The following RBFOX1 variants were observed in gnomAD, a reference collection of about 807,000 sequenced individuals.
The protein encoded by RBFOX1 is RNA binding fox-1 homolog 1.
In RBFOX1, 8 loss-of-function variants were observed where a neutral mutation model predicts 57.7. That is an observed-to-expected ratio of 0.14 (90% CI 0.08 to 0.25). The LOEUF (loss-of-function observed/expected upper bound fraction) is 0.25, where lower values mean the gene tolerates loss of function less well. Among genes scored for constraint, RBFOX1 ranks in the 10% least tolerant of loss-of-function variants. The pLI, the probability that RBFOX1 is intolerant of heterozygous loss-of-function variation, is 1.00. For missense variants in RBFOX1, 611 were observed against 548.5 expected (o/e 1.11, Z -1.14); for synonymous variants, 326 against 222.4 (o/e 1.47, Z -4.15).
intron 3 of RBFOX1, among the ~76,000 whole-genome samples, chr16:6,865,506 C>T (rs1038714237): frequency 6.6e-6 from 1 of 152,120 alleles, no homozygotes; most frequent in African/African-American, 2.4e-5. Context: ...TTATTTAACA[C>T]ATGGTTAATG....
intron 2 of RBFOX1, among the ~76,000 whole-genome samples, chr16:6,570,258 T>G (rs973415418): frequency 6.6e-6 from 1 of 152,220 alleles, no homozygotes; most frequent in Non-Finnish European, 1.5e-5. Flanking sequence ...TGTTCCCCCT[T>G]CACTGTAAGA....
rs1159943137 is a variant in RBFOX1, at chr16:7,420,424, CA to C, written c.28-97718del. 2.0e-5 allele frequency among the ~76,000 whole-genome samples: 3 copies of C among 152,150 alleles called. No individual in the cohort carries two copies. In the South Asian group the frequency reaches 6.2e-4, roughly 32 times the overall value. ...GTAGTTACAGCAATAAAAACAGGAG[CA>C]AAAAGAGCAGCTTTTGTGAAGGACT... On this transcript the variant is annotated intron_variant, in intron 4 of 15. Coordinates refer to ENST00000550418, the MANE Select transcript of RBFOX1 (RefSeq NM_018723.4).
rs565861195 is a variant in RBFOX1 at position 6,641,993 on chromosome 16, A to T, written c.-63-12610A>T. Among the ~76,000 whole-genome samples the T allele has an allele frequency of 1.3e-3, 198 of 152,292 alleles. 1 individual carries two copies. The highest frequency in any genetic ancestry group is 4.5e-3 in the African/African-American group (187 of 41,568). On this transcript the variant is annotated intron_variant, in intron 2 of 15. Coordinates refer to ENST00000550418, the MANE Select transcript of RBFOX1 (RefSeq NM_018723.4). ...ACAGGAACCCGTCAATGAAAGCACC[A>T]GGGATTATCCAGGAGGCTGACCACC...
chr16:7,701,655 C>G (rs996056842), intron 14 of RBFOX1, among the ~76,000 whole-genome samples: 1 of 152,152 alleles, frequency 6.6e-6, no homozygotes, highest in Middle Eastern at 3.2e-3. Flanking sequence ...TCTTGAGAAG[C>G]TTTGAGGATA....
At chr16:6,175,699 G>C (rs113052803) in intron 1 of RBFOX1, among the ~76,000 whole-genome samples, 1 of 152,182 alleles carries the variant, frequency 6.6e-6, no homozygotes, top group Non-Finnish European at 1.5e-5. Flanking sequence ...TGGGGCCTGA[G>C]ATCCTGGATT....
chr16:5,693,657 G>C (rs1359016310), intron 3 of RBFOX1, among the ~76,000 whole-genome samples: 1 of 152,126 alleles, frequency 6.6e-6, no homozygotes, highest in African/African-American at 2.4e-5. Context: ...CGAGAATCTT[G>C]GTTCCAGAAC....
intron 4 of RBFOX1, among the ~76,000 whole-genome samples, chr16:7,378,406 A>T (rs1307518835): frequency 2.0e-5 from 3 of 152,148 alleles, no homozygotes; most frequent in Admixed American, 2.0e-4. Flanking sequence ...GTCCCTGACA[A>T]GGACGAGGTG....
chr16:7,371,463 T>C (rs2097564279), intron 4 of RBFOX1, among the ~76,000 whole-genome samples: 1 of 152,138 alleles, frequency 6.6e-6, no homozygotes, highest in Admixed American at 6.6e-5. Flanking sequence ...GATATGCACA[T>C]ATATGGCCAG....
At chr16:7,541,948 T>G (rs578000495) in intron 5 of RBFOX1, among the ~76,000 whole-genome samples, 1 of 152,342 alleles carries the variant, frequency 6.6e-6, no homozygotes, top group South Asian at 2.1e-4. Context: ...CAAAGAGATT[T>G]CTAAGGTGCA....
intron 3 of RBFOX1, among the ~76,000 whole-genome samples, chr16:6,657,410 A>G (rs11644858): frequency 0.74 from 111,988 of 151,852 alleles, 41,368 homozygotes; most frequent in Admixed American, 0.78. Flanking sequence ...TCCCTGAGGG[A>G]CGGCGTGCCC....
At chr16:6,901,026 G>A (rs188170345) in intron 3 of RBFOX1, among the ~76,000 whole-genome samples, 14 of 152,112 alleles carry the variant, frequency 9.2e-5, no homozygotes, top group Non-Finnish European at 1.6e-4. Flanking sequence ...CCCATTCACC[G>A]ACATTATGTA....
intron 4 of RBFOX1, among the ~76,000 whole-genome samples, chr16:7,317,275 C>T (rs1281842273): frequency 6.6e-6 from 1 of 152,110 alleles, no homozygotes; most frequent in African/African-American, 2.4e-5. Flanking sequence ...AAATGCAACT[C>T]CCTGAAGTCA....
At chr16:7,693,071 G>C (rs566601782) in intron 14 of RBFOX1, among the ~76,000 whole-genome samples, 2 of 152,180 alleles carry the variant, frequency 1.3e-5, no homozygotes, top group African/African-American at 4.8e-5. Context: ...GTAACACATA[G>C]TATTAATATT....
intron 1 of RBFOX1, among the ~76,000 whole-genome samples, chr16:5,460,432 T>C (rs1307056133): frequency 6.6e-6 from 1 of 152,194 alleles, no homozygotes; most frequent in East Asian, 1.9e-4. Flanking sequence ...TAAGTTTCCT[T>C]TGAATAAGGA....
At chr16:6,155,281 A>G (rs1390894551) in intron 1 of RBFOX1, among the ~76,000 whole-genome samples, 1 of 152,214 alleles carries the variant, frequency 6.6e-6, no homozygotes, top group Admixed American at 6.5e-5. Flanking sequence ...TGGTGATTTC[A>G]TAATAAAACA....
intron 1 of RBFOX1, among the ~76,000 whole-genome samples, chr16:5,413,157 C>G (rs2067068492): frequency 6.6e-6 from 1 of 152,160 alleles, no homozygotes; most frequent in Non-Finnish European, 1.5e-5. Flanking sequence ...CTGAGTGCAG[C>G]TGCCAAATTG....
At chr16:7,252,836 C>G (rs2094543302) in intron 4 of RBFOX1, among the ~76,000 whole-genome samples, 1 of 151,898 alleles carries the variant, frequency 6.6e-6, no homozygotes, top group Non-Finnish European at 1.5e-5. Flanking sequence ...AACGTGGTAC[C>G]TAAATTCAGA....
At chr16:7,336,684 G>A (rs1005912309) in intron 4 of RBFOX1, among the ~76,000 whole-genome samples, 5 of 152,162 alleles carry the variant, frequency 3.3e-5, no homozygotes, top group Admixed American at 2.0e-4. Context: ...CATGTGCCAG[G>A]CTCTGTGCTA....
chr16:5,525,487 C>T (rs1460997738), intron 2 of RBFOX1, among the ~76,000 whole-genome samples: 1 of 126,744 alleles, frequency 7.9e-6, no homozygotes, highest in Non-Finnish European at 1.6e-5. Context: ...CTAGAGCCGA[C>T]ACTATTTTTT....
Sources: allele counts gnomAD v4.1 joint callset (sites outside exome capture counted in the v4.1 genomes callset), GRCh38; gene constraint gnomAD v4.1.1; transcripts MANE v1.5; gene names NCBI Gene and HGNC (gene_info 2026-07-23, HGNC 2026-07-21).